TCF7L2: variants seen among roughly 807,000 people sequenced by gnomAD.
TCF7L2 encodes transcription factor 7 like 2.
TCF7L2 carries 23 observed loss-of-function variants against 77.9 expected under a neutral mutation model. The ratio of observed to expected loss-of-function variants is 0.30; its 90% CI spans 0.21 to 0.42. The LOEUF (loss-of-function observed/expected upper bound fraction) is 0.42. TCF7L2 is among the 10% of genes least tolerant of loss of function. TCF7L2 has a pLI of 1.00. For synonymous variants in TCF7L2, 413 were observed against 340.2 expected (o/e 1.21, Z -2.36); for missense variants, 654 against 793.1 (o/e 0.82, Z 2.11).
At chr10:113,125,209 TTC>T (rs2065384686) in intron 5 of TCF7L2, among the ~76,000 whole-genome samples, 2 of 150,886 alleles carry the variant, frequency 1.3e-5, no homozygotes, top group Admixed American at 1.3e-4. Context: ...GAATCGCTCG[TTC>T]TCTGTTCTTT....
At chr10:113,007,841 C>T (rs1355136696) in intron 4 of TCF7L2, among the ~76,000 whole-genome samples, 2 of 152,216 alleles carry the variant, frequency 1.3e-5, no homozygotes, top group African/African-American at 4.8e-5. Flanking sequence ...GTTATCCTTG[C>T]CCCGATTCCG....
chr10:112,986,604 G>A (rs550409990), intron 4 of TCF7L2, among the ~76,000 whole-genome samples: 3 of 151,978 alleles, frequency 2.0e-5, no homozygotes, highest in Non-Finnish European at 2.9e-5. Context: ...AGCTATAATC[G>A]GTCTGCACAC....
chr10:113,062,145 G>A (rs1201254130), intron 5 of TCF7L2, among the ~76,000 whole-genome samples: 1 of 152,170 alleles, frequency 6.6e-6, no homozygotes, highest in Non-Finnish European at 1.5e-5. Flanking sequence ...GAAGAAATGA[G>A]TTTCATGAAG....
chr10:113,116,875 T>G (rs183397144), intron 5 of TCF7L2, among the ~76,000 whole-genome samples: 1 of 152,336 alleles, frequency 6.6e-6, no homozygotes, highest in Admixed American at 6.5e-5. Flanking sequence ...AAGTGTAAAG[T>G]TGATCCATTT....
At chr10:113,058,351 G>T (rs182147368) in intron 5 of TCF7L2, among the ~76,000 whole-genome samples, 4 of 152,168 alleles carry the variant, frequency 2.6e-5, no homozygotes, top group Admixed American at 6.5e-5. Flanking sequence ...AGATGAAGAG[G>T]GGGTGGGGAA....
intron 3 of TCF7L2, among the ~76,000 whole-genome samples, chr10:112,955,644 C>T (rs1017227689): frequency 2.0e-5 from 3 of 152,098 alleles, no homozygotes; most frequent in Admixed American, 1.3e-4. Flanking sequence ...AAACAATCCT[C>T]GTTCTTGCTA....
intron 8 of TCF7L2, 122 bp from the exon 9 acceptor site, chr10:113,150,876 C>T (rs2137117182): frequency 7.5e-7 from 1 of 1,324,526 alleles, no homozygotes; most frequent in African/African-American, 1.5e-5. Context: ...TTTCATATGC[C>T]TTGGGTTGCT....
chr10:113,092,607 G>A (rs2060509949), intron 5 of TCF7L2, among the ~76,000 whole-genome samples: 1 of 152,188 alleles, frequency 6.6e-6, no homozygotes, highest in Admixed American at 6.5e-5. Flanking sequence ...GTGGCTGGGT[G>A]TGGTGGGTCA....
At position 113,147,554 on chromosome 10, in the gene TCF7L2, G is replaced by A. The variant is rs540616589; in HGVS notation, c.875+1457G>A. Among the ~76,000 whole-genome samples, 9 of 152,280 alleles carry A rather than the reference G, an allele frequency of 5.9e-5. No homozygotes were observed. The East Asian group carries it at 1.5e-3, about 26-fold the overall frequency. On this transcript the variant is annotated intron_variant, in intron 8 of 13. Coordinates refer to ENST00000627217, the MANE Select transcript of TCF7L2 (RefSeq NM_001146274.2). ...CTCTGGCCTAGAGAGAAGAGGAGGC[G>A]TAACACTTATTAAATAGTGTCATCA...
chr10:113,135,413 C>T (rs771912908), intron 5 of TCF7L2, among the ~76,000 whole-genome samples: 16 of 152,148 alleles, frequency 1.1e-4, no homozygotes, highest in African/African-American at 2.4e-4. Context: ...ATGCTCAAAA[C>T]CCATGGAGCC....
At chr10:113,156,666 C>T (rs922645835) in intron 11 of TCF7L2, among the ~76,000 whole-genome samples, 3 of 152,172 alleles carry the variant, frequency 2.0e-5, no homozygotes, top group Admixed American at 6.5e-5. Flanking sequence ...TTTGCAACCT[C>T]GAGCAGATGG....
intron 5 of TCF7L2, among the ~76,000 whole-genome samples, chr10:113,046,826 A>G (rs767430657): frequency 1.2e-4 from 19 of 152,182 alleles, no homozygotes; most frequent in Non-Finnish European, 2.6e-4. Flanking sequence ...ATAATTTGGT[A>G]TATTTCCTTT....
chr10:113,150,616 T>A (rs2070552370), intron 8 of TCF7L2, among the ~76,000 whole-genome samples: 1 of 152,232 alleles, frequency 6.6e-6, no homozygotes, highest in South Asian at 2.1e-4. Context: ...CACCTTTCAT[T>A]TTAGAGCTGA....
At chr10:113,030,581 C>T (rs1310156333) in intron 4 of TCF7L2, among the ~76,000 whole-genome samples, 1 of 152,202 alleles carries the variant, frequency 6.6e-6, no homozygotes, top group Non-Finnish European at 1.5e-5. Context: ...AAATACTTTT[C>T]TGCCTGAAGG....
intron 5 of TCF7L2, among the ~76,000 whole-genome samples, chr10:113,094,906 G>A (rs553219571): frequency 1.6e-4 from 24 of 152,254 alleles, no homozygotes; most frequent in Middle Eastern, 3.4e-3. Flanking sequence ...ATCACTTGAG[G>A]CCAGGAGTTT....
At chr10:112,977,697 C>A (rs1288391252) in intron 4 of TCF7L2, among the ~76,000 whole-genome samples, 3 of 152,048 alleles carry the variant, frequency 2.0e-5, no homozygotes, top group African/African-American at 7.2e-5. Flanking sequence ...TCATTTGGAC[C>A]AATTTGGGAA....
At chr10:113,066,558 G>A (rs930813791) in intron 5 of TCF7L2, among the ~76,000 whole-genome samples, 2 of 152,180 alleles carry the variant, frequency 1.3e-5, no homozygotes, top group African/African-American at 4.8e-5. Context: ...AAGCTGTGCT[G>A]TTTGGAGCCC....
chr10:112,989,111 T>C (rs2042083867), intron 4 of TCF7L2, among the ~76,000 whole-genome samples: 1 of 152,140 alleles, frequency 6.6e-6, no homozygotes, highest in Non-Finnish European at 1.5e-5. Flanking sequence ...AATGCTAACG[T>C]GAACCCTCAA....
intron 5 of TCF7L2, among the ~76,000 whole-genome samples, chr10:113,062,454 C>G (rs2056614464): frequency 6.6e-6 from 1 of 152,168 alleles, no homozygotes; most frequent in African/African-American, 2.4e-5. Context: ...ACAGTAGGAA[C>G]AGAAGTTAAT....
Sources: allele counts gnomAD v4.1 joint callset (sites outside exome capture counted in the v4.1 genomes callset), GRCh38; gene constraint gnomAD v4.1.1; transcripts MANE v1.5; gene names NCBI Gene and HGNC (gene_info 2026-07-23, HGNC 2026-07-21).